Variants in CCM2 observed in about 807,000 individuals in gnomAD.
CCM2 encodes cerebral cavernous malformations 2 protein.
Under a neutral mutation model 44.9 loss-of-function variants are expected in CCM2, and 25 were observed. That is an observed-to-expected ratio of 0.56 (90% CI 0.41 to 0.78). CCM2 has a LOEUF of 0.78. Among genes scored for constraint, CCM2 ranks in the 30% least tolerant of loss-of-function variants. The pLI is 0.00. For synonymous variants in CCM2, 219 were observed against 241.1 expected, an observed-to-expected ratio of 0.91 and a Z score of 0.85; for missense variants, 481 against 580.6, an observed-to-expected ratio of 0.83 and a Z score of 1.76.
At chr7:45,005,432 A>G (rs1454164213) in intron 1 of CCM2, among the ~76,000 whole-genome samples, 1 of 152,226 alleles carries the variant, frequency 6.6e-6, no homozygotes, top group Non-Finnish European at 1.5e-5. Context: ...TAGCAATATT[A>G]TTGCAGTGAA....
chr7:45,028,987 G>T (rs1562873483), intron 1 of CCM2, among the ~76,000 whole-genome samples: 1 of 152,100 alleles, frequency 6.6e-6, no homozygotes, highest in Non-Finnish European at 1.5e-5. Context: ...TGTCTCTCTG[G>T]GACTATAGCC....
chr7:45,025,600 C>T (rs1244605935), intron 1 of CCM2, among the ~76,000 whole-genome samples: 1 of 145,522 alleles, frequency 6.9e-6, no homozygotes, highest in African/African-American at 2.6e-5. Context: ...ATGGCGTGAT[C>T]TCACCTCACC....
At chr7:45,004,510 A>C (rs1185400077) in intron 1 of CCM2, among the ~76,000 whole-genome samples, 2 of 152,170 alleles carry the variant, frequency 1.3e-5, no homozygotes, top group African/African-American at 4.8e-5. Context: ...TCACTGCTGG[A>C]CCAGTGTCTG....
At chr7:45,038,895 A>T (rs1475703891) in intron 2 of CCM2, among the ~76,000 whole-genome samples, 1 of 152,236 alleles carries the variant, frequency 6.6e-6, no homozygotes, top group Non-Finnish European at 1.5e-5. Context: ...TGTGACGTGC[A>T]TAAGTTGATT....
chr7:45,072,805 C>T, intron 7 of CCM2, 22 bp downstream of exon 7: 1 of 1,598,598 alleles, frequency 6.3e-7, no homozygotes, highest in Non-Finnish European at 8.6e-7. Context: ...TGCCACCAAG[C>T]CCTGCGGTGG....
intron 4 of CCM2, among the ~76,000 whole-genome samples, chr7:45,064,899 C>T (rs1798699163): frequency 6.6e-6 from 1 of 152,184 alleles, no homozygotes; most frequent in Non-Finnish European, 1.5e-5. Context: ...GACTGGTATC[C>T]TGTTCCTCTG....
intron 9 of CCM2, among the ~76,000 whole-genome samples, chr7:45,075,357 C>T (rs1395352148): frequency 6.6e-6 from 1 of 152,284 alleles, no homozygotes; most frequent in Non-Finnish European, 1.5e-5. Context: ...TGAGGCCTGC[C>T]TCTGAGGACT....
intron 1 of CCM2, among the ~76,000 whole-genome samples, chr7:45,001,247 A>G (rs965004907): frequency 2.0e-5 from 3 of 152,168 alleles, no homozygotes; most frequent in African/African-American, 7.2e-5. Context: ...CCTGTTTGAA[A>G]TAGAATGTAG....
chr7:45,046,275 C>T (rs1380576081), intron 2 of CCM2, among the ~76,000 whole-genome samples: 2 of 151,976 alleles, frequency 1.3e-5, no homozygotes, highest in African/African-American at 4.8e-5. Context: ...AATGGAGAGG[C>T]AAAATAAGTA....
chr7:45,061,605 C>T (rs1211421770), intron 2 of CCM2, among the ~76,000 whole-genome samples: 1 of 151,938 alleles, frequency 6.6e-6, no homozygotes, highest in African/African-American at 2.4e-5. Flanking sequence ...GTAGCTGGCA[C>T]CACAGGCACA....
chr7:45,075,708 G>T, intron 9 of CCM2, 69 bp from the exon 10 acceptor site: 4 of 1,603,784 alleles, frequency 2.5e-6, no homozygotes, highest in Non-Finnish European at 3.4e-6. Context: ...GGGGCTTTGA[G>T]CCCTGAGAGA....
At chr7:45,050,088 G>C (rs1797932562) in intron 2 of CCM2, among the ~76,000 whole-genome samples, 2 of 152,218 alleles carry the variant, frequency 1.3e-5, no homozygotes, top group African/African-American at 4.8e-5. Context: ...TAGTGACATA[G>C]CTGTCTTAAC....
intron 1 of CCM2, among the ~76,000 whole-genome samples, chr7:45,024,588 T>G (rs868191): frequency 0.87 from 131,879 of 152,182 alleles, 57,453 homozygotes; most frequent in African/African-American, 0.96. Context: ...AAGGGGGTTT[T>G]TAGAGTGTAA....
At chr7:45,061,840 T>C (rs1484445517) in intron 2 of CCM2, among the ~76,000 whole-genome samples, 1 of 152,104 alleles carries the variant, frequency 6.6e-6, no homozygotes, top group Non-Finnish European at 1.5e-5. Context: ...TATGAGGAGA[T>C]GTTTCTCCAG....
intron 1 of CCM2, among the ~76,000 whole-genome samples, chr7:45,013,782 A>G (rs563099918): frequency 6.6e-6 from 1 of 152,246 alleles, no homozygotes; most frequent in East Asian, 1.9e-4. Context: ...GATGATTGAT[A>G]TTTTTGAAGA....
rs549422713 is a variant in CCM2, at chr7:45,076,324, C to T, written c.*267C>T. On this transcript the variant is annotated 3_prime_UTR_variant, in exon 10 of 10. Transcript: ENST00000258781. Reference sequence around the variant, plus strand: ...AGTGTGTCCCCGCTCGGGGAGGGCCCGGCCGAGCGGGCAGGGAGAGCCAGT... The same window carrying T: ...AGTGTGTCCCCGCTCGGGGAGGGCCTGGCCGAGCGGGCAGGGAGAGCCAGT... The T allele has an allele frequency of 8.1e-5, 52 of 641,202 alleles. No individual in the cohort carries two copies. Among genetic ancestry groups the T allele is most frequent in the Non-Finnish European group, 1.0e-4 (35 of 347,220 alleles). The allele number at this position is 641,202 out of a possible 1,614,324, so 39.7% of individuals were successfully genotyped here.
intron 2 of CCM2, among the ~76,000 whole-genome samples, chr7:45,051,799 G>T (rs567265616): frequency 6.6e-6 from 1 of 152,210 alleles, no homozygotes; most frequent in African/African-American, 2.4e-5. Flanking sequence ...CTGACCTCGT[G>T]ATCCGCCCAC....
chr7:45,063,798 G>C, intron 2 of CCM2, 120 bp from the exon 3 acceptor site: 1 of 756,914 alleles, frequency 1.3e-6, no homozygotes, highest in Non-Finnish European at 2.4e-6. Flanking sequence ...AGCCGGAATG[G>C]AGACCCATGG....
intron 8 of CCM2, 37 bp from the exon 9 acceptor site, chr7:45,074,233 T>G (rs756971672): frequency 6.2e-7 from 1 of 1,612,886 alleles, no homozygotes; most frequent in South Asian, 1.1e-5. Flanking sequence ...TCTTGCCTAC[T>G]GTGCCCAGCC....
Sources: gnomAD v4.1 joint callset for allele counts (sites outside exome capture counted in the v4.1 genomes callset) on GRCh38, gnomAD v4.1.1 for gene constraint, MANE v1.5 for transcripts, NCBI Gene and HGNC (gene_info 2026-07-23, HGNC 2026-07-21) for gene names.